STK10: variants seen among roughly 807,000 people sequenced by gnomAD.
STK10 encodes serine/threonine kinase 10.
STK10 carries 78 observed loss-of-function variants against 113.8 expected under a neutral mutation model. That is an observed-to-expected ratio of 0.69 (90% CI 0.57 to 0.83). The LOEUF is 0.83. Among genes scored for constraint, STK10 ranks in the 40% least tolerant of loss-of-function variants. The pLI is 0.00. For synonymous variants in STK10, 465 were observed against 494.7 expected (o/e 0.94, Z 0.80); for missense variants, 1,109 against 1,280.1 (o/e 0.87, Z 2.04).
At chr5:172,169,446 G>A (rs921221465) in intron 1 of STK10, among the ~76,000 whole-genome samples, 6 of 151,468 alleles carry the variant, frequency 4.0e-5, no homozygotes, top group Non-Finnish European at 8.8e-5. Flanking sequence ...GGGAAAATGA[G>A]TTAAGTGGGA....
At position 172,184,432 on chromosome 5, in the gene STK10, C is replaced by T. The variant is rs74569594; in HGVS notation, c.156+3455G>A. Among the ~76,000 whole-genome samples the T allele has an allele frequency of 8.9e-3, 1,356 of 152,142 alleles. 5 individuals are homozygous for T. Among genetic ancestry groups the T allele is most frequent in the Non-Finnish European group, 0.013 (908 of 67,992 alleles). ...AGCCCAGAGCCCTGGATTCTAGTCC[C>T]TTCTCTTCTCTGGGCACCGGGACAT... On this transcript the variant is annotated intron_variant, in intron 1 of 18. Transcript: ENST00000176763.
intron 2 of STK10, among the ~76,000 whole-genome samples, chr5:172,138,623 AATGTTT>A (rs1342932223): frequency 6.6e-6 from 1 of 152,210 alleles, no homozygotes; most frequent in Non-Finnish European, 1.5e-5. Flanking sequence ...TATACTTAGG[AATGTTT>A]ATATAGTATT....
chr5:172,184,669 T>C (rs1770920111), intron 1 of STK10, among the ~76,000 whole-genome samples: 1 of 152,148 alleles, frequency 6.6e-6, no homozygotes, highest in African/African-American at 2.4e-5. Context: ...TTGTTGTTTT[T>C]GAGACAGAGT....
chr5:172,134,492 A>AT (rs1314803362), intron 2 of STK10, among the ~76,000 whole-genome samples: 1 of 152,158 alleles, frequency 6.6e-6, no homozygotes, highest in African/African-American at 2.4e-5. Context: ...GTCAAAGGGT[A>AT]TATGGGGGTT....
chr5:172,070,561 T>A (rs1768155649), intron 12 of STK10, among the ~76,000 whole-genome samples: 1 of 152,086 alleles, frequency 6.6e-6, no homozygotes, highest in Non-Finnish European at 1.5e-5. Flanking sequence ...CAAATCAATG[T>A]TCTAAATGAG....
chr5:172,053,388 C>T (rs1767674176), intron 17 of STK10, among the ~76,000 whole-genome samples: 1 of 151,946 alleles, frequency 6.6e-6, no homozygotes, highest in Non-Finnish European at 1.5e-5. Flanking sequence ...CTCAGACTTC[C>T]AGCCTTCAGA....
intron 7 of STK10, among the ~76,000 whole-genome samples, chr5:172,100,452 C>T (rs1053076592): frequency 6.6e-5 from 10 of 152,104 alleles, no homozygotes; most frequent in African/African-American, 2.2e-4. Flanking sequence ...GCTTAGAAAC[C>T]ATCAGCCAGA....
intron 18 of STK10, among the ~76,000 whole-genome samples, chr5:172,048,914 A>G (rs1027507266): frequency 5.3e-5 from 8 of 151,628 alleles, no homozygotes; most frequent in African/African-American, 1.9e-4. Flanking sequence ...TTGTTTCACG[A>G]GCAAGGTGTC....
chr5:172,122,325 T>C (rs1285314451), intron 3 of STK10, among the ~76,000 whole-genome samples: 1 of 152,224 alleles, frequency 6.6e-6, no homozygotes, highest in Non-Finnish European at 1.5e-5. Context: ...CCTCCAAGAT[T>C]CCCCTGTGAC....
intron 7 of STK10, among the ~76,000 whole-genome samples, chr5:172,099,074 TCAA>T (rs371444318): frequency 0.011 from 1,676 of 151,346 alleles, 34 homozygotes; most frequent in African/African-American, 0.038. Flanking sequence ...ACCATCATTA[TCAA>T]CATCATCATC....
At chr5:172,142,398 C>T (rs192062528) in intron 2 of STK10, among the ~76,000 whole-genome samples, 15 of 152,104 alleles carry the variant, frequency 9.9e-5, no homozygotes, top group Admixed American at 1.3e-4. Flanking sequence ...CTAAGTAATG[C>T]GCACAAAGAG....
chr5:172,056,993 A>AAGAGAGAGAGAG (rs59953300), intron 15 of STK10: 1 of 51,974 alleles, frequency 1.9e-5, no homozygotes, highest in African/African-American at 7.6e-5. Context: ...GAAAGAAAGA[A>AAGAGAGAGAGAG]AGAGAAAGAA....
Position 172,188,180 on chromosome 5 carries a change from C to CCCGA in STK10, c.-142_-139dup. Reference sequence around the variant, plus strand: ...TCCCCAGACCCGCCTTTCCCCGCAGCCCGACCTCGGTCAAGTGTGCCCTGG... The same window carrying CCCGA: ...TCCCCAGACCCGCCTTTCCCCGCAGCCCGACCGACCTCGGTCAAGTGTGCCCTGG... On this transcript the variant is annotated 5_prime_UTR_variant, in exon 1 of 19. Transcript: ENST00000176763. The surrounding 1 kb of genome is among the most constrained non-coding windows in gnomAD (Gnocchi z 5.6). 1 of 1,410,868 alleles carries CCCGA rather than the reference C, an allele frequency of 7.1e-7. No individual in the cohort carries two copies. Among genetic ancestry groups the CCCGA allele is most frequent in the Non-Finnish European group, 9.3e-7 (1 of 1,070,664 alleles). 87.4% of individuals were successfully genotyped at this position (1,410,868 alleles called of 1,614,324 possible).
rs780565138 is a variant in STK10, at chr5:172,055,753, G to A, written c.2361C>T (p.Tyr787=). ...TCAGCTGCTCTATCATGCGCTGGTT[G>A]TAGCGCTGCATCTGCTCCCGCTCCT... ...HEKEREQMQR[Y]NQRMIEQLKV... The change falls in exon 16 of 19, where the codon TAC becomes TAT. Residue 787 remains tyrosine, a synonymous_variant. Transcript: ENST00000176763. 35 of 1,524,476 alleles carry A rather than the reference G, an allele frequency of 2.3e-5. No individual in the cohort carries two copies. The highest frequency in any genetic ancestry group is 2.9e-5 in the Non-Finnish European group (33 of 1,128,422). The allele number at this position is 1,524,476 out of a possible 1,614,324, so 94.4% of individuals were successfully genotyped here. A position where few individuals can be genotyped will look rare whatever the true frequency, so the allele number is the denominator to read the frequency against.
At chr5:172,086,673 GA>G (rs1171815468) in intron 10 of STK10, among the ~76,000 whole-genome samples, 1 of 152,226 alleles carries the variant, frequency 6.6e-6, no homozygotes, top group Non-Finnish European at 1.5e-5. Context: ...GGTCAGGTAT[GA>G]CCAGGGGCCT....
At chr5:172,173,358 G>A (rs1770695601) in intron 1 of STK10, among the ~76,000 whole-genome samples, 1 of 152,340 alleles carries the variant, frequency 6.6e-6, no homozygotes, top group Admixed American at 6.5e-5. Context: ...GCCTCAGGGT[G>A]ACAATGCTGG....
In STK10 at chr5:172,052,943, G is replaced by T; in HGVS notation, c.2752C>A (p.Arg918=). 1.2e-6 allele frequency: 2 copies of T among 1,614,062 alleles called. No individual in the cohort carries two copies. Among genetic ancestry groups the T allele is most frequent in the Non-Finnish European group, 1.7e-6 (2 of 1,180,042 alleles). ...GATAAAGTTACCTTCTTGCGCGGCC[G>T]AAGCTTGTCCCGCCATTCCTTCAGG... The part of the protein sequence containing the change: ...QNLKEWRDKL[R]PRKKALEEDL... The change falls in exon 18 of 19, where the codon CGG becomes AGG. Residue 918 remains arginine, a synonymous_variant. Coordinates refer to ENST00000176763, the MANE Select transcript of STK10 (RefSeq NM_005990.4).
chr5:172,171,470 T>C (rs756796664), intron 1 of STK10, among the ~76,000 whole-genome samples: 5 of 152,242 alleles, frequency 3.3e-5, no homozygotes, highest in Admixed American at 2.0e-4. Flanking sequence ...TCCCAGCACT[T>C]TGGGAGGCTG....
At chr5:172,106,040 G>A (rs1312147066) in intron 6 of STK10, among the ~76,000 whole-genome samples, 2 of 152,156 alleles carry the variant, frequency 1.3e-5, no homozygotes, top group South Asian at 2.1e-4. Flanking sequence ...TGGCTCCTGC[G>A]GCTCAGCTGG....
Sources: gnomAD v4.1 joint callset for allele counts (sites outside exome capture counted in the v4.1 genomes callset) on GRCh38, gnomAD v4.1.1 for gene constraint, Gnocchi (gnomAD v3.1) non-coding constraint, MANE v1.5 for transcripts, NCBI Gene and HGNC (gene_info 2026-07-23, HGNC 2026-07-21) for gene names.